Variants in TPD52 observed in about 807,000 individuals in gnomAD.
TPD52 encodes tumor protein D52.
In TPD52, 17 loss-of-function variants were observed where a neutral mutation model predicts 31.3. The observed-to-expected ratio is 0.54, with a 90% CI of 0.37 to 0.82. The LOEUF (loss-of-function observed/expected upper bound fraction) is 0.82. Ranked by LOEUF, TPD52 falls within the 40% of genes least tolerant of loss-of-function variation. The pLI, the probability that TPD52 is intolerant of heterozygous loss-of-function variation, is 0.00. For synonymous variants in TPD52, 83 were observed against 89.6 expected (o/e 0.93, Z 0.42); for missense variants, 212 against 240.1 (o/e 0.88, Z 0.77).
Position 80,137,844 on chromosome 8 carries a change from G to A in TPD52, c.19+33581C>T, listed in dbSNP as rs1360545041. Among the ~76,000 whole-genome samples, 8 of 152,274 alleles carry A rather than the reference G, an allele frequency of 5.3e-5. No homozygotes were observed. The South Asian group carries it at 1.2e-3, about 24-fold the overall frequency. ...TTCCAGCACTTTGGGAGGCCAAGGC[G>A]GGAGGATCACTTGAGCCCACGAGTT... On this transcript the variant is annotated intron_variant, in intron 1 of 7. Coordinates refer to ENST00000518937, the MANE Select transcript of TPD52 (RefSeq NM_001025253.3).
chr8:80,066,124 C>G (rs936666619), intron 1 of TPD52, among the ~76,000 whole-genome samples: 1 of 152,088 alleles, frequency 6.6e-6, no homozygotes, highest in Admixed American at 6.5e-5. Context: ...GGAGCAGACA[C>G]AGAAGAAAAA....
chr8:80,165,678 A>T (rs1192811170), intron 1 of TPD52, among the ~76,000 whole-genome samples: 1 of 152,094 alleles, frequency 6.6e-6, no homozygotes, highest in Admixed American at 6.5e-5. Context: ...ACTAAACCTT[A>T]CCTTCCTAGT....
intron 1 of TPD52, among the ~76,000 whole-genome samples, chr8:80,071,912 T>A (rs549964659): frequency 6.6e-6 from 1 of 152,108 alleles, no homozygotes; most frequent in East Asian, 1.9e-4. Flanking sequence ...CTGGCCCCAC[T>A]CCCCAGCACC....
intron 3 of TPD52, among the ~76,000 whole-genome samples, chr8:80,052,351 G>A (rs1031513999): frequency 7.2e-5 from 11 of 151,978 alleles, no homozygotes; most frequent in African/African-American, 2.4e-4. Flanking sequence ...AAATAATATC[G>A]TACCTACCAA....
rs961144702 is a variant in TPD52, at chr8:80,050,834, AT to A, written c.387-364del. Reference sequence around the variant, plus strand: ...AAACACGAAGCCATGCAATCTGAGCATTTTTTTTTAAACACAAATCTTGCAT... The same window carrying A: ...AAACACGAAGCCATGCAATCTGAGCATTTTTTTTAAACACAAATCTTGCAT... On this transcript the variant is annotated intron_variant, in intron 4 of 7. Transcript: ENST00000518937. 5.9e-5 allele frequency among the ~76,000 whole-genome samples: 9 copies of A among 151,588 alleles called. No homozygotes were observed. In the South Asian group the frequency reaches 1.5e-3, roughly 25 times the overall value.
intron 1 of TPD52, among the ~76,000 whole-genome samples, chr8:80,136,523 CAAAAAAAAAAAA>C (rs56656428): frequency 4.5e-5 from 3 of 67,080 alleles, no homozygotes; most frequent in Non-Finnish European, 8.9e-5. Context: ...GACTCTGTCT[CAAAAAAAAAAAA>C]AAAAAAAAAA....
chr8:80,064,425 T>C (rs1364586015), intron 2 of TPD52, 53 bp downstream of exon 2: 1 of 1,339,882 alleles, frequency 7.5e-7, no homozygotes, highest in East Asian at 2.3e-5. Context: ...GAATCACAAA[T>C]GACAGTACAT....
At chr8:80,075,456 C>T (rs1814430764) in intron 1 of TPD52, among the ~76,000 whole-genome samples, 1 of 152,146 alleles carries the variant, frequency 6.6e-6, no homozygotes, top group South Asian at 2.1e-4. Context: ...AGGTTACCTC[C>T]CAAAGCTTCA....
chr8:80,042,554 G>T, intron 7 of TPD52, 66 bp downstream of exon 7: 6 of 1,541,088 alleles, frequency 3.9e-6, no homozygotes, highest in African/African-American at 1.4e-5. Context: ...AATGATTTTC[G>T]CACAGCAAAG....
At chr8:80,105,246 G>T (rs746761254) in intron 1 of TPD52, among the ~76,000 whole-genome samples, 4 of 152,090 alleles carry the variant, frequency 2.6e-5, no homozygotes, top group African/African-American at 9.7e-5. Flanking sequence ...TGCCTCCAAA[G>T]AAAGAAGTAA....
chr8:80,118,035 A>C (rs1586333304), intron 1 of TPD52, among the ~76,000 whole-genome samples: 1 of 151,938 alleles, frequency 6.6e-6, no homozygotes, highest in Non-Finnish European at 1.5e-5. Flanking sequence ...CCCAACCCAG[A>C]CTCAAGCCTT....
chr8:80,061,634 T>C (rs981442837), intron 2 of TPD52, among the ~76,000 whole-genome samples: 4 of 152,100 alleles, frequency 2.6e-5, no homozygotes, highest in African/African-American at 9.7e-5. Flanking sequence ...CCCCGAGCCA[T>C]GATCACATCA....
intron 1 of TPD52, among the ~76,000 whole-genome samples, chr8:80,071,871 G>A (rs1813835166): frequency 6.6e-6 from 1 of 152,060 alleles, no homozygotes. Context: ...TGGCTTCCCA[G>A]CTTCTTGCAA....
At chr8:80,057,113 AGCT>A in intron 2 of TPD52, among the ~76,000 whole-genome samples, 1 of 152,324 alleles carries the variant, frequency 6.6e-6, no homozygotes, top group East Asian at 1.9e-4. Context: ...GGTTGCAGTG[AGCT>A]GAGATCATGC....
chr8:80,073,985 C>G (rs1166920852), intron 1 of TPD52, among the ~76,000 whole-genome samples: 1 of 152,158 alleles, frequency 6.6e-6, no homozygotes, highest in Non-Finnish European at 1.5e-5. Context: ...CAAAAAAATT[C>G]AACTAGGAGG....
intron 1 of TPD52, among the ~76,000 whole-genome samples, chr8:80,163,517 T>C (rs1811498550): frequency 6.6e-6 from 1 of 152,222 alleles, no homozygotes; most frequent in Non-Finnish European, 1.5e-5. Context: ...GTTTTCATTT[T>C]GAAAAATGAA....
intron 1 of TPD52, among the ~76,000 whole-genome samples, chr8:80,065,834 G>A (rs1445982719): frequency 1.3e-5 from 2 of 151,396 alleles, no homozygotes; most frequent in African/African-American, 4.9e-5. Flanking sequence ...ATTATTTGAC[G>A]ACTAAGCTTT....
intron 1 of TPD52, among the ~76,000 whole-genome samples, chr8:80,091,396 G>C (rs1210131689): frequency 6.6e-6 from 1 of 151,100 alleles, no homozygotes; most frequent in African/African-American, 2.4e-5. Context: ...CTGAACCCAA[G>C]AGGCGGAGCT....
At chr8:80,033,625 C>T (rs117533156), downstream of TPD52, among the ~76,000 whole-genome samples, 11 of 152,240 alleles carry the variant, frequency 7.2e-5, 1 homozygote, top group East Asian at 1.5e-3. Flanking sequence ...CCTTTTGCTC[C>T]CGCTGTTCAG....
Sources: gnomAD v4.1 joint callset for allele counts (sites outside exome capture counted in the v4.1 genomes callset) on GRCh38, gnomAD v4.1.1 for gene constraint, MANE v1.5 for transcripts, NCBI Gene and HGNC (gene_info 2026-07-23, HGNC 2026-07-21) for gene names.